ADAMTS18: variants seen among roughly 807,000 people sequenced by gnomAD.
ADAMTS18 encodes A disintegrin and metalloproteinase with thrombospondin motifs 18.
In ADAMTS18, 157 loss-of-function variants were observed where a neutral mutation model predicts 165.9. The ratio of observed to expected loss-of-function variants is 0.95; its 90% CI spans 0.83 to 1.08. The LOEUF (loss-of-function observed/expected upper bound fraction) is 1.08, where lower values mean the gene tolerates loss of function less well. Among genes scored for constraint, ADAMTS18 ranks in the 50% least tolerant of loss-of-function variants. The pLI, the probability that ADAMTS18 is intolerant of heterozygous loss-of-function variation, is 0.00. For missense variants in ADAMTS18, 2,040 were observed against 1,534.0 expected, an observed-to-expected ratio of 1.33 and a Z score of -5.51; for synonymous variants, 782 against 578.2, an observed-to-expected ratio of 1.35 and a Z score of -5.06.
intron 3 of ADAMTS18, among the ~76,000 whole-genome samples, chr16:77,400,032 A>C (rs1276541888): frequency 6.6e-6 from 1 of 152,202 alleles, no homozygotes; most frequent in East Asian, 1.9e-4. Flanking sequence ...CTATGGTGGC[A>C]CTGGTTAATC....
At chr16:77,363,450 T>C (rs2056744945) in intron 6 of ADAMTS18, among the ~76,000 whole-genome samples, 1 of 152,118 alleles carries the variant, frequency 6.6e-6, no homozygotes, top group South Asian at 2.1e-4. Context: ...CTTAAATCTA[T>C]GACCAAATTC....
intron 3 of ADAMTS18, among the ~76,000 whole-genome samples, chr16:77,370,597 A>G (rs2056862288): frequency 6.6e-6 from 1 of 152,066 alleles, no homozygotes; most frequent in African/African-American, 2.4e-5. Flanking sequence ...TAAAAATACA[A>G]AAATTAGCCG....
chr16:77,367,813 T>C, intron 3 of ADAMTS18, 90 bp from the exon 4 acceptor site: 1 of 1,474,760 alleles, frequency 6.8e-7, no homozygotes, highest in Non-Finnish European at 9.5e-7. Flanking sequence ...GACTAATTCC[T>C]GTATGTGGGC....
At chr16:77,361,613 G>A (rs776197195) in intron 7 of ADAMTS18, among the ~76,000 whole-genome samples, 2 of 152,196 alleles carry the variant, frequency 1.3e-5, no homozygotes, top group Non-Finnish European at 2.9e-5. Flanking sequence ...GCCAGGTGAG[G>A]TGGCTCATGC....
rs1261391376 is a variant in ADAMTS18, at chr16:77,420,765, A to G, written c.495+10530T>C. ...TTTTCCCATTATGTCTCTTCACAGC[A>G]TAAAACACGTAGACTCAATAATTAA... On this transcript the variant is annotated intron_variant, in intron 3 of 22. Coordinates refer to ENST00000282849, the MANE Select transcript of ADAMTS18 (RefSeq NM_199355.4). Among the ~76,000 whole-genome samples, 10 of 152,344 alleles carry G rather than the reference A, an allele frequency of 6.6e-5. No homozygotes were observed. The East Asian group carries it at 1.9e-3, about 29-fold the overall frequency.
intron 15 of ADAMTS18, among the ~76,000 whole-genome samples, chr16:77,320,572 G>A (rs1479327122): frequency 2.0e-5 from 3 of 151,998 alleles, no homozygotes; most frequent in African/African-American, 7.3e-5. Context: ...CTGGGATGTG[G>A]AGGTTGCAGT....
chr16:77,351,116 T>C (rs1035094165), intron 10 of ADAMTS18, among the ~76,000 whole-genome samples: 4 of 152,216 alleles, frequency 2.6e-5, no homozygotes, highest in African/African-American at 7.2e-5. Flanking sequence ...TGGCAATATT[T>C]ATGATCCTCA....
intron 3 of ADAMTS18, among the ~76,000 whole-genome samples, chr16:77,374,940 G>C (rs1296961123): frequency 3.9e-5 from 6 of 152,070 alleles, no homozygotes; most frequent in South Asian, 2.1e-4. Flanking sequence ...TAGTTTGATA[G>C]AAAACCTTGG....
chr16:77,401,195 G>A (rs116774376), intron 3 of ADAMTS18, among the ~76,000 whole-genome samples: 2,796 of 152,028 alleles, frequency 0.018, 80 homozygotes, highest in African/African-American at 0.062. Context: ...CAGAGGTTGC[G>A]GTGAGCCGAG....
chr16:77,383,419 C>T (rs1286635060), intron 3 of ADAMTS18, among the ~76,000 whole-genome samples: 4 of 152,080 alleles, frequency 2.6e-5, no homozygotes, highest in African/African-American at 9.7e-5. Flanking sequence ...CACTCCATTG[C>T]TGTTCTATAA....
intron 18 of ADAMTS18, among the ~76,000 whole-genome samples, chr16:77,296,821 C>G (rs1225326923): frequency 6.6e-6 from 1 of 151,824 alleles, no homozygotes; most frequent in African/African-American, 2.4e-5. Context: ...CTCCTTGTTC[C>G]TCCTCCCCTC....
chr16:77,375,833 C>G (rs1157846735), intron 3 of ADAMTS18, among the ~76,000 whole-genome samples: 1 of 150,102 alleles, frequency 6.7e-6, no homozygotes, highest in Admixed American at 6.6e-5. Context: ...AGGAAACTTT[C>G]AAAACTTCCA....
chr16:77,321,313 A>G (rs2055995040), intron 14 of ADAMTS18, 111 bp from the exon 15 acceptor site: 6 of 1,419,488 alleles, frequency 4.2e-6, no homozygotes, highest in Non-Finnish European at 5.9e-6. Context: ...GGGAAGCAGT[A>G]CAGCTTATGG....
chr16:77,409,923 G>T (rs991302119), intron 3 of ADAMTS18, among the ~76,000 whole-genome samples: 1 of 151,954 alleles, frequency 6.6e-6, no homozygotes, highest in African/African-American at 2.4e-5. Context: ...TAATATTACC[G>T]TACTAGAATT....
intron 7 of ADAMTS18, among the ~76,000 whole-genome samples, chr16:77,360,079 G>C (rs2056690142): frequency 6.6e-6 from 1 of 152,008 alleles, no homozygotes; most frequent in African/African-American, 2.4e-5. Flanking sequence ...TTCCAGTTTT[G>C]GGTCCTAATA....
chr16:77,362,200 G>A lies in ADAMTS18; in HGVS notation c.1121C>T (p.Ala374Val), dbSNP rs748525983. ...SLNSFCQWQS[A>V]LIGKNGKRHD... The stretch of plus-strand genomic sequence containing the variant: ...TCTCTTGCCATTCTTTCCAATGAGG[G>A]CAGACTGCCATTGACAAAAACTATT... The change falls in exon 7 of 23, where the codon GCC (alanine) becomes GTC (valine). Residue 374 changes from alanine (A) to valine (V), a missense_variant. Transcript: ENST00000282849. 3 of 1,614,030 alleles carry A rather than the reference G, an allele frequency of 1.9e-6. No homozygotes were observed. Among genetic ancestry groups the A allele is most frequent in the Non-Finnish European group, 2.5e-6 (3 of 1,179,984 alleles).
At chr16:77,388,751 C>T (rs1245244861) in intron 3 of ADAMTS18, among the ~76,000 whole-genome samples, 1 of 152,160 alleles carries the variant, frequency 6.6e-6, no homozygotes, top group East Asian at 1.9e-4. Flanking sequence ...TTGTTTTCTT[C>T]CCCTCAGCAA....
intron 13 of ADAMTS18, among the ~76,000 whole-genome samples, chr16:77,323,558 T>TC (rs2056041660): frequency 4.0e-5 from 2 of 49,546 alleles, no homozygotes; most frequent in Non-Finnish European, 7.9e-5. Flanking sequence ...AGAAAGTTCC[T>TC]TTTTTTTTTT....
chr16:77,388,418 C>T (rs1396161929), intron 3 of ADAMTS18, among the ~76,000 whole-genome samples: 1 of 152,032 alleles, frequency 6.6e-6, no homozygotes, highest in African/African-American at 2.4e-5. Flanking sequence ...CTTCTATGAC[C>T]ATCTCATCAA....
Sources: gnomAD v4.1 joint callset for allele counts (sites outside exome capture counted in the v4.1 genomes callset) on GRCh38, gnomAD v4.1.1 for gene constraint, MANE v1.5 for transcripts, NCBI Gene and HGNC (gene_info 2026-07-23, HGNC 2026-07-21) for gene names.